TVP23A: variants seen among roughly 807,000 people sequenced by gnomAD.
The protein encoded by TVP23A is Golgi apparatus membrane protein TVP23 homolog A.
Under a neutral mutation model 31.7 loss-of-function variants are expected in TVP23A, and 21 were observed. That is an observed-to-expected ratio of 0.66 (90% CI 0.47 to 0.95). TVP23A has a LOEUF of 0.95. Among genes scored for constraint, TVP23A ranks in the 40% least tolerant of loss-of-function variants. The probability of loss-of-function intolerance (pLI) is 0.00; values close to 1 mark genes in which losing one functional copy is unlikely to be tolerated. For missense variants in TVP23A, 279 were observed against 255.6 expected (o/e 1.09, Z -0.62); for synonymous variants, 104 against 96.0 (o/e 1.08, Z -0.49).
At chr16:10,762,812 T>G (rs1340710487), downstream of TVP23A, among the ~76,000 whole-genome samples, 2 of 140,598 alleles carry the variant, frequency 1.4e-5, no homozygotes, top group Non-Finnish European at 1.6e-5. Context: ...GGGGGCCGCG[T>G]GCTTGGGGAG....
chr16:10,803,101 T>C (rs2033778834), intron 2 of TVP23A, among the ~76,000 whole-genome samples: 1 of 152,240 alleles, frequency 6.6e-6, no homozygotes, highest in African/African-American at 2.4e-5. Context: ...CTGGCCAATG[T>C]AGCAAAATCC....
At chr16:10,762,497 G>C (rs756350565), downstream of TVP23A, among the ~76,000 whole-genome samples, 1 of 152,352 alleles carries the variant, frequency 6.6e-6, no homozygotes, top group Non-Finnish European at 1.5e-5. Context: ...GCGCTGGGCA[G>C]GGCCTACACT....
chr16:10,816,464 G>C (rs1396980620), intron 2 of TVP23A, among the ~76,000 whole-genome samples: 1 of 152,024 alleles, frequency 6.6e-6, no homozygotes, highest in Non-Finnish European at 1.5e-5. Context: ...CTCCTGAGTG[G>C]CTGAGATTAC....
intron 2 of TVP23A, among the ~76,000 whole-genome samples, chr16:10,801,300 TA>T (rs1311320724): frequency 6.6e-6 from 1 of 152,188 alleles, no homozygotes; most frequent in Non-Finnish European, 1.5e-5. Context: ...CCAAGAAGCA[TA>T]ACCTGGATAT....
downstream of TVP23A, among the ~76,000 whole-genome samples, chr16:10,760,006 T>A (rs115914510): frequency 0.011 from 1,628 of 152,268 alleles, 18 homozygotes; most frequent in African/African-American, 0.027. Context: ...GGTACAGGGA[T>A]CTGTGATAAC....
downstream of TVP23A, among the ~76,000 whole-genome samples, chr16:10,762,677 C>T (rs1056949612): frequency 3.3e-5 from 5 of 152,268 alleles, no homozygotes; most frequent in South Asian, 2.1e-4. Context: ...CCAGGAGTGC[C>T]GGCTGCACCC....
At chr16:10,764,852 TG>T (rs1290792874), downstream of TVP23A, among the ~76,000 whole-genome samples, 2 of 136,980 alleles carry the variant, frequency 1.5e-5, no homozygotes, top group Non-Finnish European at 3.2e-5. Context: ...AGCATCTGTC[TG>T]CTGGAGTATG....
chr16:10,778,038 G>A (rs2032174628), intron 2 of TVP23A, among the ~76,000 whole-genome samples: 1 of 151,378 alleles, frequency 6.6e-6, no homozygotes, highest in Admixed American at 6.6e-5. Context: ...AATAAAAGAA[G>A]AATTAGACAG....
intron 2 of TVP23A, among the ~76,000 whole-genome samples, chr16:10,809,073 T>C (rs999248582): frequency 1.3e-5 from 2 of 152,136 alleles, no homozygotes; most frequent in Admixed American, 1.3e-4. Flanking sequence ...GATGCGGAAG[T>C]CACACTCGTG....
At chr16:10,802,111 CACACACACACAT>C (rs1018477305) in intron 2 of TVP23A, among the ~76,000 whole-genome samples, 1 of 151,600 alleles carries the variant, frequency 6.6e-6, no homozygotes, top group African/African-American at 2.4e-5. Flanking sequence ...TACACACACA[CACACACACACAT>C]ACACACACAC....
chr16:10,781,859 T>C (rs936057290), intron 2 of TVP23A, among the ~76,000 whole-genome samples: 4 of 130,920 alleles, frequency 3.1e-5, no homozygotes, highest in Non-Finnish European at 6.5e-5. Context: ...TCTTTTTTTT[T>C]TTTTTTTTTT....
rs372153579 is a variant in TVP23A, at chr16:10,818,224, G to C, written c.10-42C>G. ...GGCAGGTGGCAGGCCCAAGCACGGCGCACACCCCAACCCCACCCGCCCTGT... is the reference window on the plus strand; with the variant it reads ...GGCAGGTGGCAGGCCCAAGCACGGCCCACACCCCAACCCCACCCGCCCTGT... On this transcript the variant is annotated intron_variant, in intron 1 of 7. Coordinates refer to ENST00000299866, the MANE Select transcript of TVP23A (RefSeq NM_001079512.4). This position sits in a 1 kb window ranked among gnomAD's most constrained non-coding sequence, Gnocchi z 4.7. 5.8e-5 allele frequency: 89 copies of C among 1,522,412 alleles called. No individual in the cohort carries two copies. The African/African-American group carries it at 1.1e-3, about 19-fold the overall frequency. 94.3% of individuals were successfully genotyped at this position (1,522,412 alleles called of 1,614,324 possible).
chr16:10,761,877 G>T (rs114247833), downstream of TVP23A: 4,697 of 1,597,140 alleles, frequency 2.9e-3, 134 homozygotes, highest in African/African-American at 0.053. Flanking sequence ...ACCCCAGTGT[G>T]GGGCGGCACC....
At chr16:10,785,315 A>G (rs2032687150) in intron 2 of TVP23A, among the ~76,000 whole-genome samples, 1 of 151,942 alleles carries the variant, frequency 6.6e-6, no homozygotes, top group African/African-American at 2.4e-5. Flanking sequence ...GAGGCACGAG[A>G]ATCGCTTGAA....
Position 10,768,477 on chromosome 16 carries a change from C to G in TVP23A, c.*625G>C. The G allele has an allele frequency of 6.2e-6, 1 of 160,738 alleles. No individual in the cohort carries two copies. Among genetic ancestry groups the G allele is most frequent in the Non-Finnish European group, 1.4e-5 (1 of 73,628 alleles). The allele number at this position is 160,738 out of a possible 1,614,324, so 10.0% of individuals were successfully genotyped here. A position where few individuals can be genotyped will look rare whatever the true frequency, so the allele number is the denominator to read the frequency against. On this transcript the variant is annotated 3_prime_UTR_variant, in exon 8 of 8. Coordinates refer to ENST00000299866, the MANE Select transcript of TVP23A (RefSeq NM_001079512.4). The surrounding 1 kb of genome is among the most constrained non-coding windows in gnomAD (Gnocchi z 4.3). ...TGAAAATTAGCCGGGTGTGGTGGCG[C>G]ATGCCTGTAGTCCCAGCTACTCAGG...
intron 3 of TVP23A, 104 bp from the exon 4 acceptor site, chr16:10,774,232 G>A (rs1325887010): frequency 2.5e-6 from 2 of 786,254 alleles, no homozygotes; most frequent in Admixed American, 3.2e-5. Context: ...CTTGTACTGG[G>A]AGCAGGAAGA....
chr16:10,809,052 G>C (rs1320384918), intron 2 of TVP23A, among the ~76,000 whole-genome samples: 1 of 152,162 alleles, frequency 6.6e-6, no homozygotes, highest in Non-Finnish European at 1.5e-5. Context: ...ACATGCCTCT[G>C]CACAGCCCAG....
chr16:10,766,264 C>G (rs2030863157), downstream of TVP23A: 3 of 152,472 alleles, frequency 2.0e-5, no homozygotes, highest in Admixed American at 1.3e-4. This position sits in a 1 kb window ranked among gnomAD's most constrained non-coding sequence, Gnocchi z 4.8. Flanking sequence ...GTGTAAAATG[C>G]AGGTGACAGT....
chr16:10,795,343 C>T (rs1436261642), intron 2 of TVP23A, among the ~76,000 whole-genome samples: 1 of 151,850 alleles, frequency 6.6e-6, no homozygotes. Context: ...CTCCACCTCC[C>T]GGGTTCAAGT....
Sources: gnomAD v4.1 joint callset for allele counts (sites outside exome capture counted in the v4.1 genomes callset) on GRCh38, gnomAD v4.1.1 for gene constraint, Gnocchi (gnomAD v3.1) non-coding constraint, MANE v1.5 for transcripts, NCBI Gene and HGNC (gene_info 2026-07-23, HGNC 2026-07-21) for gene names.